The following MASP1 variants were observed in gnomAD, a reference collection of about 807,000 sequenced individuals.
MASP1 encodes the protein MBL associated serine protease 1.
Under a neutral mutation model 77.1 loss-of-function variants are expected in MASP1, and 59 were observed. That is an observed-to-expected ratio of 0.77 (90% CI 0.62 to 0.95). The LOEUF (loss-of-function observed/expected upper bound fraction) is 0.95. Among genes scored for constraint, MASP1 ranks in the 40% least tolerant of loss-of-function variants. The probability of loss-of-function intolerance (pLI) is 0.00; values close to 1 mark genes in which losing one functional copy is unlikely to be tolerated. For synonymous variants in MASP1, 362 were observed against 354.5 expected, an observed-to-expected ratio of 1.02 and a Z score of -0.24; for missense variants, 885 against 912.9, an observed-to-expected ratio of 0.97 and a Z score of 0.39.
intron 7 of MASP1, chr3:187,251,289 C>T (rs1224197526): frequency 3.4e-6 from 1 of 291,998 alleles, no homozygotes; most frequent in Non-Finnish European, 6.6e-6. Context: ...TGTTTACTTC[C>T]TTTCCTGGTA....
chr3:187,232,436 A>G (rs1712824562), downstream of MASP1, among the ~76,000 whole-genome samples: 1 of 152,082 alleles, frequency 6.6e-6, no homozygotes. Flanking sequence ...ACCATTCTTT[A>G]CTGCCTACTT....
At chr3:187,279,147 A>T (rs186045115) in intron 2 of MASP1, among the ~76,000 whole-genome samples, 1 of 152,324 alleles carries the variant, frequency 6.6e-6, no homozygotes, top group Non-Finnish European at 1.5e-5. Flanking sequence ...CTGCAAAGAA[A>T]TTTTTCCTGA....
chr3:187,231,663 A>C (rs1321114808), downstream of MASP1, among the ~76,000 whole-genome samples: 1 of 152,260 alleles, frequency 6.6e-6, no homozygotes, highest in African/African-American at 2.4e-5. Flanking sequence ...TTCGCTGTGC[A>C]CTGTGGCTCC....
At position 187,234,697 on chromosome 3, in the gene MASP1, A is replaced by G; in HGVS notation, c.*987T>C. ...CCTGGCAGGATTTGGGTGACTTCTA[A>G]TGTGCCCACCCCACTCTTTCTTCCA... On this transcript the variant is annotated 3_prime_UTR_variant, in exon 11 of 11. Coordinates refer to ENST00000296280, the MANE Select transcript of MASP1 (RefSeq NM_139125.4). 1 of 1,287,070 alleles carries G rather than the reference A, an allele frequency of 7.8e-7. No individual in the cohort carries two copies. The highest frequency in any genetic ancestry group is 1.0e-6 in the Non-Finnish European group (1 of 988,654). The allele number at this position is 1,287,070 out of a possible 1,614,324, so 79.7% of individuals were successfully genotyped here.
chr3:187,229,493 C>T (rs67909903), downstream of MASP1, among the ~76,000 whole-genome samples: 4,174 of 152,230 alleles, frequency 0.027, 84 homozygotes, highest in Non-Finnish European at 0.039. Context: ...GGTGAGTTTC[C>T]TGGCTCTCCC....
intron 13 of MASP1, among the ~76,000 whole-genome samples, chr3:187,224,878 A>T (rs1712318328): frequency 6.6e-6 from 1 of 152,192 alleles, no homozygotes; most frequent in Non-Finnish European, 1.5e-5. Flanking sequence ...TTTCCTTAGC[A>T]CGTTAGACTC....
chr3:187,243,354 C>T (rs1175298309), intron 9 of MASP1, 130 bp downstream of exon 9: 57 of 907,468 alleles, frequency 6.3e-5, no homozygotes, highest in South Asian at 5.8e-4. Flanking sequence ...GTGAGTGACA[C>T]GTTTTGCATT....
intron 12 of MASP1, chr3:187,226,185 CGTT>C: frequency 1.8e-6 from 1 of 562,502 alleles, no homozygotes; most frequent in Non-Finnish European, 3.2e-6. Flanking sequence ...CTCATTTTAT[CGTT>C]GTGAAACTGA....
At chr3:187,283,698 A>G (rs992981521) in intron 2 of MASP1, among the ~76,000 whole-genome samples, 14 of 152,340 alleles carry the variant, frequency 9.2e-5, no homozygotes, top group Non-Finnish European at 1.5e-4. Context: ...GAAAGTAGAG[A>G]AAAATGTGGT....
chr3:187,278,972 C>T (rs1307771954), intron 2 of MASP1, among the ~76,000 whole-genome samples: 4 of 152,262 alleles, frequency 2.6e-5, no homozygotes, highest in South Asian at 4.1e-4. Flanking sequence ...CCCCGAACCC[C>T]ACTGCCCCAC....
rs75953973 is a variant in MASP1 at position 187,291,392 on chromosome 3, G to A, written c.5+236C>T. 7.6e-4 allele frequency: 460 copies of A among 603,108 alleles called. 2 individuals are homozygous for A. In the East Asian group the frequency reaches 0.012, roughly 16 times the overall value. 37.4% of individuals were successfully genotyped at this position (603,108 alleles called of 1,614,324 possible). On this transcript the variant is annotated intron_variant, in intron 1 of 10. Transcript: ENST00000296280. ...AGAAATCTGAGCTTCAGCAGCGTCC[G>A]GAGCAGGATTTGCACGAAGTCTCCC... is the stretch of plus-strand genomic sequence containing the variant.
At position 187,236,382 on chromosome 3, in the gene MASP1, G is replaced by A. The variant is rs387906752; in HGVS notation, c.1489C>T (p.His497Tyr). The A allele has an allele frequency of 6.2e-7, 1 of 1,614,216 alleles. No homozygotes were observed. The highest frequency in any genetic ancestry group is 8.5e-7 in the Non-Finnish European group (1 of 1,180,036). ...LSASWILTAA[H>Y]VLRSQRRDTT... ...TCTCTACGCTGGGAGCGCAGCACAT[G>A]AGCTGCTGTGAGGATCCAGGACGCA... is the stretch of plus-strand genomic sequence containing the variant. The change falls in exon 11 of 11, where the codon CAT becomes TAT. Residue 497 changes from histidine (H) to tyrosine (Y), a missense_variant. Physicochemically the swap from His to Tyr is moderately conservative, Grantham distance 83. Transcript: ENST00000296280.
At chr3:187,281,636 G>A (rs989672115) in intron 2 of MASP1, among the ~76,000 whole-genome samples, 1 of 152,218 alleles carries the variant, frequency 6.6e-6, no homozygotes, top group Non-Finnish European at 1.5e-5. Flanking sequence ...ACATTGAGAA[G>A]CAGCTGCTGT....
chr3:187,249,672 T>C (rs1428682789), intron 8 of MASP1, among the ~76,000 whole-genome samples: 1 of 152,184 alleles, frequency 6.6e-6, no homozygotes, highest in Non-Finnish European at 1.5e-5. Flanking sequence ...CCTTATTTTA[T>C]AGTTGAGGCG....
intron 5 of MASP1, among the ~76,000 whole-genome samples, chr3:187,256,219 A>G (rs1264728791): frequency 6.6e-6 from 1 of 152,236 alleles, no homozygotes; most frequent in Non-Finnish European, 1.5e-5. Flanking sequence ...AAATGAAAAT[A>G]CGGGGACCCT....
chr3:187,238,449 G>A (rs186266009), intron 10 of MASP1, among the ~76,000 whole-genome samples: 1 of 152,292 alleles, frequency 6.6e-6, no homozygotes, highest in East Asian at 1.9e-4. Context: ...CAAGCTCTTG[G>A]GAGAGCTCAT....
At chr3:187,280,968 G>A (rs1717360011) in intron 2 of MASP1, among the ~76,000 whole-genome samples, 1 of 152,192 alleles carries the variant, frequency 6.6e-6, no homozygotes, top group South Asian at 2.1e-4. Flanking sequence ...TGAAAGAGGA[G>A]GAAACAGAGT....
chr3:187,268,170 A>G (rs920703513), intron 2 of MASP1, among the ~76,000 whole-genome samples: 1 of 152,204 alleles, frequency 6.6e-6, no homozygotes, highest in African/African-American at 2.4e-5. Context: ...TGTCTGCGGC[A>G]ACTTAGAAGG....
Position 187,275,039 on chromosome 3 carries a change from C to T in MASP1, c.237+10786G>A, listed in dbSNP as rs115345902. Among the ~76,000 whole-genome samples, 859 of 152,264 alleles carry T rather than the reference C, an allele frequency of 5.6e-3. 12 individuals are homozygous for T. Among genetic ancestry groups the T allele is most frequent in the African/African-American group, 0.017 (720 of 41,536 alleles). Reference sequence around the variant, plus strand: ...CCAGGGAGGATTGGCACTGTTTGGCCTGAGAATGGCTCAGACTCCCCCACC... The same window carrying T: ...CCAGGGAGGATTGGCACTGTTTGGCTTGAGAATGGCTCAGACTCCCCCACC... On this transcript the variant is annotated intron_variant, in intron 2 of 10. Coordinates refer to ENST00000296280, the MANE Select transcript of MASP1 (RefSeq NM_139125.4).
Sources: gnomAD v4.1 joint callset for allele counts (sites outside exome capture counted in the v4.1 genomes callset) on GRCh38, gnomAD v4.1.1 for gene constraint, MANE v1.5 for transcripts, NCBI Gene and HGNC (gene_info 2026-07-23, HGNC 2026-07-21) for gene names.